DPYD: variants seen among roughly 807,000 people sequenced by gnomAD.
DPYD encodes the protein dihydropyrimidine dehydrogenase [NADP(+)].
Under a neutral mutation model 116.2 loss-of-function variants are expected in DPYD, and 109 were observed. The observed-to-expected ratio is 0.94, with a 90% CI of 0.80 to 1.10. DPYD has a LOEUF of 1.10. Ranked by LOEUF, DPYD falls within the 50% of genes least tolerant of loss-of-function variation. DPYD has a pLI of 0.00. For missense variants in DPYD, 1,302 were observed against 1,254.5 expected, an observed-to-expected ratio of 1.04 and a Z score of -0.57; for synonymous variants, 440 against 432.0, an observed-to-expected ratio of 1.02 and a Z score of -0.23.
At chr1:97,629,800 A>C (rs1439901778) in intron 8 of DPYD, among the ~76,000 whole-genome samples, 1 of 152,106 alleles carries the variant, frequency 6.6e-6, no homozygotes. Flanking sequence ...CAATGCTATG[A>C]TCTATGCAAT....
At position 97,138,530 on chromosome 1, in the gene DPYD, G is replaced by A. The variant is rs1163031008; in HGVS notation, c.2623-39898C>T. ...CTGAAAACAGCAGGAAATATAATCC[G>A]GTGAGCTTGCGAGCTGGTGAGCAGT... On this transcript the variant is annotated intron_variant, in intron 20 of 22. Transcript: ENST00000370192. 4.6e-5 allele frequency among the ~76,000 whole-genome samples: 7 copies of A among 152,216 alleles called. 1 individual carries two copies. The highest frequency in any genetic ancestry group is 5.9e-5 in the Non-Finnish European group (4 of 68,026).
At chr1:97,707,815 A>G (rs952274832) in intron 5 of DPYD, among the ~76,000 whole-genome samples, 1 of 151,956 alleles carries the variant, frequency 6.6e-6, no homozygotes, top group Non-Finnish European at 1.5e-5. Flanking sequence ...TTGGTGAGAT[A>G]TCTGCTAAGG....
At chr1:97,218,259 C>T (rs1428001004) in intron 19 of DPYD, among the ~76,000 whole-genome samples, 3 of 151,986 alleles carry the variant, frequency 2.0e-5, no homozygotes, top group African/African-American at 4.8e-5. Context: ...AACAAAACTG[C>T]ACTTGTAATC....
At chr1:97,353,818 A>G (rs1451805038) in intron 16 of DPYD, among the ~76,000 whole-genome samples, 2 of 152,194 alleles carry the variant, frequency 1.3e-5, no homozygotes, top group Non-Finnish European at 2.9e-5. Context: ...CTGTCTTCAA[A>G]CTGAAATGCA....
At chr1:97,397,623 T>C (rs1673088961) in intron 14 of DPYD, among the ~76,000 whole-genome samples, 1 of 152,114 alleles carries the variant, frequency 6.6e-6, no homozygotes, top group African/African-American at 2.4e-5. Context: ...ACACAGTATA[T>C]AGCTTTTTCA....
chr1:97,606,639 G>T (rs1655619141), intron 8 of DPYD, among the ~76,000 whole-genome samples: 1 of 151,928 alleles, frequency 6.6e-6, no homozygotes, highest in African/African-American at 2.4e-5. Flanking sequence ...TCCAAACTAT[G>T]AGGGGTCATT....
At chr1:97,848,346 C>T (rs560348543) in intron 2 of DPYD, among the ~76,000 whole-genome samples, 5 of 152,348 alleles carry the variant, frequency 3.3e-5, no homozygotes, top group African/African-American at 9.6e-5. Context: ...ATCCACCCAC[C>T]TCGGCTTCCA....
chr1:97,541,883 T>C (rs977969796), intron 12 of DPYD, among the ~76,000 whole-genome samples: 7 of 152,174 alleles, frequency 4.6e-5, no homozygotes, highest in Admixed American at 2.0e-4. Flanking sequence ...ATTCATTTGG[T>C]AGAAGAAAAT....
intron 10 of DPYD, among the ~76,000 whole-genome samples, chr1:97,579,227 CCT>C (rs1653473957): frequency 6.6e-6 from 1 of 152,150 alleles, no homozygotes; most frequent in Non-Finnish European, 1.5e-5. Context: ...TGGTCACAGC[CCT>C]ACCTGTGTCT....
At chr1:97,190,760 T>C (rs1658294314) in intron 20 of DPYD, among the ~76,000 whole-genome samples, 1 of 152,184 alleles carries the variant, frequency 6.6e-6, no homozygotes, top group South Asian at 2.1e-4. Flanking sequence ...CAAATCCTTG[T>C]TTCCATAGCC....
At chr1:97,653,550 G>A (rs896483574) in intron 8 of DPYD, among the ~76,000 whole-genome samples, 19 of 151,910 alleles carry the variant, frequency 1.3e-4, no homozygotes, top group Non-Finnish European at 2.2e-4. Context: ...TGATCTGCCC[G>A]CCTCGGCCTC....
chr1:97,759,784 T>A (rs1018417331), intron 3 of DPYD, among the ~76,000 whole-genome samples: 10 of 152,314 alleles, frequency 6.6e-5, no homozygotes, highest in African/African-American at 2.4e-4. Flanking sequence ...TTATTGAACA[T>A]TTCCTAGATA....
intron 2 of DPYD, among the ~76,000 whole-genome samples, chr1:97,854,153 G>A (rs11165919): frequency 2.6e-5 from 4 of 151,882 alleles, no homozygotes; most frequent in Non-Finnish European, 5.9e-5. Context: ...TTTTTTTCTT[G>A]ATTTTTCAAG....
At chr1:97,690,814 T>G (rs533081240) in intron 7 of DPYD, among the ~76,000 whole-genome samples, 18 of 152,200 alleles carry the variant, frequency 1.2e-4, no homozygotes, top group Admixed American at 3.3e-4. Context: ...GTTTAGTCAT[T>G]ATGTGTGAAT....
intron 20 of DPYD, among the ~76,000 whole-genome samples, chr1:97,173,203 T>C (rs550503308): frequency 7.0e-6 from 1 of 143,610 alleles, no homozygotes; most frequent in South Asian, 2.3e-4. Context: ...TATATATGTG[T>C]ACATATATAC....
chr1:97,683,922 G>T (rs1211963782), intron 7 of DPYD, among the ~76,000 whole-genome samples: 1 of 152,030 alleles, frequency 6.6e-6, no homozygotes. Context: ...GAAAACACAT[G>T]GATGCTGACA....
chr1:97,832,647 T>C (rs1669592593), intron 2 of DPYD, among the ~76,000 whole-genome samples: 1 of 151,972 alleles, frequency 6.6e-6, no homozygotes, highest in Non-Finnish European at 1.5e-5. Flanking sequence ...AGTGTTCAGA[T>C]TTTGGCAGCA....
intron 11 of DPYD, among the ~76,000 whole-genome samples, chr1:97,571,363 CT>C (rs1181357011): frequency 2.0e-5 from 3 of 151,604 alleles, no homozygotes; most frequent in Admixed American, 6.6e-5. Flanking sequence ...TATTACTACG[CT>C]TTTTTTTAGT....
intron 21 of DPYD, among the ~76,000 whole-genome samples, chr1:97,098,086 C>T (rs1370423329): frequency 1.3e-5 from 2 of 152,054 alleles, no homozygotes; most frequent in Non-Finnish European, 2.9e-5. Flanking sequence ...TTTTCCAAAA[C>T]TTTCAAGTGA....
Sources: allele counts gnomAD v4.1 joint callset (sites outside exome capture counted in the v4.1 genomes callset), GRCh38; gene constraint gnomAD v4.1.1; transcripts MANE v1.5; gene names NCBI Gene and HGNC (gene_info 2026-07-23, HGNC 2026-07-21).